DNAH8: variants seen among roughly 807,000 people sequenced by gnomAD.
DNAH8 encodes axonemal beta dynein heavy chain 8.
DNAH8 carries 382 observed loss-of-function variants against 562.1 expected under a neutral mutation model. The ratio of observed to expected loss-of-function variants is 0.68; its 90% confidence interval spans 0.63 to 0.74. The LOEUF (loss-of-function observed/expected upper bound fraction) is 0.74. Ranked by LOEUF, DNAH8 falls within the 30% of genes least tolerant of loss-of-function variation. The probability of loss-of-function intolerance (pLI) is 0.00; values close to 1 mark genes in which losing one functional copy is unlikely to be tolerated. For synonymous variants in DNAH8, 1,881 were observed against 1,919.4 expected, an observed-to-expected ratio of 0.98 and a Z score of 0.52; for missense variants, 5,203 against 5,620.4, an observed-to-expected ratio of 0.93 and a Z score of 2.37.
At position 38,974,524 on chromosome 6, in the gene DNAH8, G is replaced by C. The variant is rs1040033714; in HGVS notation, c.12829G>C (p.Val4277Leu). The change falls in exon 85 of 93, where the codon GTG (valine) becomes CTG (leucine). Residue 4277 changes from valine to leucine, a missense_variant. Physicochemically the swap from Val to Leu is conservative, Grantham distance 32 (BLOSUM62 1). Coordinates refer to ENST00000327475, the MANE Select transcript of DNAH8 (RefSeq NM_001206927.2). ...LYTVAFLHSTVQERRKFGPLG... is the reference protein window; with the variant it reads ...LYTVAFLHSTLQERRKFGPLG... Reference sequence around the variant, plus strand: ...CACAGTAGCATTTTTACACTCCACTGTGCAGGTAACTGCAGAAAGCAGTTT... The same window carrying C: ...CACAGTAGCATTTTTACACTCCACTCTGCAGGTAACTGCAGAAAGCAGTTT... 1 of 1,612,808 alleles carries C rather than the reference G, an allele frequency of 6.2e-7. No homozygotes were observed. Among genetic ancestry groups the C allele is most frequent in the East Asian group, 2.2e-5 (1 of 44,876 alleles).
At chr6:38,758,207 G>A (rs529794489) in intron 10 of DNAH8, among the ~76,000 whole-genome samples, 17 of 152,168 alleles carry the variant, frequency 1.1e-4, no homozygotes, top group Admixed American at 1.0e-3. Context: ...ATTTCCTTGA[G>A]CAGTGGTTTG....
intron 88 of DNAH8, among the ~76,000 whole-genome samples, chr6:39,004,353 G>A (rs1346632545): frequency 6.6e-6 from 1 of 152,092 alleles, no homozygotes; most frequent in Non-Finnish European, 1.5e-5. Flanking sequence ...TACAATGATT[G>A]TTTTATACTA....
rs201939427 is a variant in DNAH8, at chr6:38,974,414, G to A, written c.12719G>A (p.Arg4240His). ...KFTNEPPQGV[R>H]AGLKRTFAGI... ...ACTAATGAGCCACCCCAAGGTGTAC[G>A]CGCAGGTTTGAAAAGAACATTTGCT... The change falls in exon 85 of 93, where the codon CGC becomes CAC. Residue 4240 changes from arginine (R) to histidine (H), a missense_variant. Physicochemically the swap from Arg to His is conservative, Grantham distance 29 (BLOSUM62 0). This residue lies in a region of DNAH8 where 1,399 missense variants were observed against 1,518.4 expected (regional missense o/e 0.92). Transcript: ENST00000327475. 155 of 1,613,952 alleles carry A rather than the reference G, an allele frequency of 9.6e-5. No homozygotes were observed. The highest frequency in any genetic ancestry group is 1.2e-4 in the Non-Finnish European group (139 of 1,179,840).
At position 38,733,825 on chromosome 6, in the gene DNAH8, C is replaced by T. The variant is rs148848042; in HGVS notation, c.611-649C>T. On this transcript the variant is annotated intron_variant, in intron 4 of 92. Transcript: ENST00000327475. ...ACTTGGGAGGCTGAGGCACGAGAAT[C>T]GCTTGAACCCGGGAGGTGGAGGTTG... 8.8e-3 allele frequency among the ~76,000 whole-genome samples: 1,321 copies of T among 149,754 alleles called. 19 individuals are homozygous for T. Among genetic ancestry groups the T allele is most frequent in the African/African-American group, 0.03 (1,239 of 40,642 alleles).
At chr6:38,984,340 C>A in intron 87 of DNAH8, 33 bp downstream of exon 87, 1 of 1,399,434 alleles carries the variant, frequency 7.1e-7, no homozygotes, top group Non-Finnish European at 1.0e-6. Context: ...AGTTTGGAGA[C>A]ACATTTCACT....
At chr6:39,016,561 A>G (rs1204485686) in intron 91 of DNAH8, among the ~76,000 whole-genome samples, 2 of 152,022 alleles carry the variant, frequency 1.3e-5, no homozygotes, top group Non-Finnish European at 2.9e-5. Context: ...AAAAAAAAAA[A>G]AAAAGAAAAA....
intron 87 of DNAH8, 74 bp from the exon 88 acceptor site, chr6:38,989,938 C>A: frequency 1.3e-6 from 1 of 778,622 alleles, no homozygotes; most frequent in South Asian, 1.9e-5. Flanking sequence ...ATAAGGTGGC[C>A]CCTCTCCTTT....
intron 17 of DNAH8, among the ~76,000 whole-genome samples, chr6:38,784,384 C>T (rs980161515): frequency 1.3e-5 from 2 of 152,046 alleles, no homozygotes; most frequent in African/African-American, 4.8e-5. Context: ...GTTTTTCTAC[C>T]CCCAATACCC....
chr6:38,846,542 G>A (rs1364420947), intron 36 of DNAH8, among the ~76,000 whole-genome samples: 4 of 152,082 alleles, frequency 2.6e-5, no homozygotes, highest in African/African-American at 9.7e-5. Context: ...TGGCTCCAGG[G>A]GCAGTCTTGT....
chr6:38,896,872 C>T (rs577636912), intron 60 of DNAH8, among the ~76,000 whole-genome samples: 6 of 152,038 alleles, frequency 3.9e-5, no homozygotes, highest in African/African-American at 4.8e-5. Flanking sequence ...CTGCAACCTC[C>T]GCCTCCCAGT....
intron 8 of DNAH8, among the ~76,000 whole-genome samples, chr6:38,748,367 A>C (rs1052112108): frequency 2.0e-5 from 3 of 152,186 alleles, no homozygotes; most frequent in Non-Finnish European, 4.4e-5. Flanking sequence ...CAATGTAAAG[A>C]TCCAAGAAGG....
rs1167664066 is a variant in DNAH8 at position 38,846,025 on chromosome 6, A to T, written c.5045+252A>T. ...CCTAATTATTCCTCCCCAGACTGGC[A>T]TCTTGTCCTCTGAAGGTCTTGGCTC... On this transcript the variant is annotated intron_variant, in intron 36 of 92. Transcript: ENST00000327475. Among the ~76,000 whole-genome samples, 3 of 151,600 alleles carry T rather than the reference A, an allele frequency of 2.0e-5. 1 individual carries two copies. The East Asian group carries it at 5.8e-4, about 29-fold the overall frequency.
intron 85 of DNAH8, among the ~76,000 whole-genome samples, chr6:38,977,884 C>A (rs115111143): frequency 6.6e-6 from 1 of 152,132 alleles, no homozygotes; most frequent in East Asian, 1.9e-4. Context: ...TGCCTGGGCC[C>A]CAGAACAGGA....
At chr6:38,887,712 C>A (rs1022232292) in intron 57 of DNAH8, among the ~76,000 whole-genome samples, 32 of 151,968 alleles carry the variant, frequency 2.1e-4, no homozygotes, top group Admixed American at 1.6e-3. Context: ...GTCTAAAAAA[C>A]CAAAAAACAA....
intron 53 of DNAH8, among the ~76,000 whole-genome samples, chr6:38,880,345 G>A (rs931414096): frequency 4.6e-5 from 7 of 152,058 alleles, no homozygotes; most frequent in African/African-American, 1.7e-4. Context: ...GTAAAACTGC[G>A]CTGAGAGAAG....
intron 11 of DNAH8, among the ~76,000 whole-genome samples, chr6:38,762,041 A>G (rs1375540691): frequency 6.6e-6 from 1 of 152,116 alleles, no homozygotes. Flanking sequence ...GTGCCATTTC[A>G]TACGCTCTGG....
rs150768766 is a variant in DNAH8, at chr6:38,878,275, T to C, written c.7858+2447T>C. 1.2e-3 allele frequency among the ~76,000 whole-genome samples: 183 copies of C among 152,348 alleles called. 2 individuals carry two copies. Among genetic ancestry groups the C allele is most frequent in the African/African-American group, 4.0e-3 (168 of 41,582 alleles). On this transcript the variant is annotated intron_variant, in intron 53 of 92. Transcript: ENST00000327475. ...GCCCAAAACAGCAGAATATACATTT[T>C]TTTCCAGTGCACGGAAAACACTTAC...
At chr6:38,722,177 C>G (rs1429351312) in intron 1 of DNAH8, among the ~76,000 whole-genome samples, 1 of 152,188 alleles carries the variant, frequency 6.6e-6, no homozygotes, top group Admixed American at 6.5e-5. Flanking sequence ...TAGTCACAAT[C>G]ACTTTTCAGT....
At chr6:38,834,742 C>A in intron 32 of DNAH8, 101 bp downstream of exon 32, 1 of 864,420 alleles carries the variant, frequency 1.2e-6, no homozygotes, top group Non-Finnish European at 1.9e-6. Flanking sequence ...GTTTGTATTT[C>A]AAGTACATCA....
Sources: gnomAD v4.1 joint callset for allele counts (sites outside exome capture counted in the v4.1 genomes callset) on GRCh38, gnomAD v4.1.1 for gene constraint, gnomAD v4.1.1 regional missense constraint, MANE v1.5 for transcripts, NCBI Gene and HGNC (gene_info 2026-07-23, HGNC 2026-07-21) for gene names.